The following RPH3A variants were observed in gnomAD, a reference collection of about 807,000 sequenced individuals.
The protein encoded by RPH3A is rabphilin-3A.
Under a neutral mutation model 102.2 loss-of-function variants are expected in RPH3A, and 48 were observed. That is an observed-to-expected ratio of 0.47 (90% CI 0.37 to 0.60). The LOEUF is 0.60. Among genes scored for constraint, RPH3A ranks in the 20% least tolerant of loss-of-function variants. The pLI, the probability that RPH3A is intolerant of heterozygous loss-of-function variation, is 0.00. For missense variants in RPH3A, 781 were observed against 910.1 expected (o/e 0.86, Z 1.83); for synonymous variants, 310 against 324.3 (o/e 0.96, Z 0.47).
intron 1 of RPH3A, among the ~76,000 whole-genome samples, chr12:112,749,148 C>A (rs1470635405): frequency 2.6e-5 from 4 of 152,166 alleles, no homozygotes; most frequent in African/African-American, 9.7e-5. Flanking sequence ...TTTCTAGAGT[C>A]AGGAGAGAGA....
chr12:112,739,733 A>G lies in RPH3A; in HGVS notation c.-139-52410A>G, dbSNP rs190620011. The stretch of plus-strand genomic sequence containing the variant: ...CAGGGGCCACATCCCTACAGCCCAC[A>G]TCTTCCACACTTCTTTGTCACTTGG... On this transcript the variant is annotated intron_variant, in intron 1 of 21. Transcript: ENST00000543106. Among the ~76,000 whole-genome samples the G allele has an allele frequency of 3.9e-5, 6 of 152,292 alleles. No individual in the cohort carries two copies. In the East Asian group the frequency reaches 9.6e-4, roughly 24 times the overall value.
At chr12:112,794,099 C>G (rs1265398951) in intron 2 of RPH3A, among the ~76,000 whole-genome samples, 1 of 152,210 alleles carries the variant, frequency 6.6e-6, no homozygotes, top group Non-Finnish European at 1.5e-5. Context: ...CGCCCTCCCT[C>G]CTCCCCCATC....
At chr12:112,819,608 C>A (rs10774663) in intron 2 of RPH3A, among the ~76,000 whole-genome samples, 16,620 of 152,208 alleles carry the variant, frequency 0.11, 1,016 homozygotes, top group East Asian at 0.24. Context: ...GAACAACAAC[C>A]ATTTATTTAC....
Position 112,890,016 on chromosome 12 carries a change from CTTT to C in RPH3A, c.1564-6_1564-4del. 1.2e-6 allele frequency: 2 copies of C among 1,613,240 alleles called. No homozygotes were observed. Among genetic ancestry groups the C allele is most frequent in the Non-Finnish European group, 1.7e-6 (2 of 1,179,744 alleles). Reference sequence around the variant, plus strand: ...AATGTTATCTTTTATTTGTTTTCTTCTTTTAAGATGAAACGTGCTGGGACCACC... The same window carrying C: ...AATGTTATCTTTTATTTGTTTTCTTCTAAGATGAAACGTGCTGGGACCACC... On this transcript the variant is annotated splice_region_variant and splice_polypyrimidine_tract_variant and intron_variant, in intron 17 of 21. Coordinates refer to ENST00000389385, the MANE Select transcript of RPH3A (RefSeq NM_001143854.2).
intron 1 of RPH3A, among the ~76,000 whole-genome samples, chr12:112,632,112 A>C (rs1168491488): frequency 6.6e-6 from 1 of 152,156 alleles, no homozygotes; most frequent in Non-Finnish European, 1.5e-5. Flanking sequence ...GTTTTTAAAA[A>C]GAGGAGTTCC....
At chr12:112,708,175 A>T (rs551532635) in intron 1 of RPH3A, among the ~76,000 whole-genome samples, 1 of 152,350 alleles carries the variant, frequency 6.6e-6, no homozygotes, top group Admixed American at 6.5e-5. Flanking sequence ...TTTATGTCAC[A>T]GCCTATGTGG....
At chr12:112,667,695 AG>A (rs2040096540) in intron 1 of RPH3A, among the ~76,000 whole-genome samples, 1 of 150,732 alleles carries the variant, frequency 6.6e-6, no homozygotes, top group Non-Finnish European at 1.5e-5. Context: ...AGAGAGAGAG[AG>A]AGAGAGAGAG....
intron 1 of RPH3A, among the ~76,000 whole-genome samples, chr12:112,622,601 T>C (rs1409784055): frequency 6.6e-6 from 1 of 150,600 alleles, no homozygotes; most frequent in African/African-American, 2.4e-5. Flanking sequence ...CTGAAAGTGA[T>C]GTGGAGAATG....
At chr12:112,881,476 T>C (rs1238188299) in intron 14 of RPH3A, among the ~76,000 whole-genome samples, 1 of 152,222 alleles carries the variant, frequency 6.6e-6, no homozygotes, top group African/African-American at 2.4e-5. Context: ...CACCACCTCA[T>C]GAAGCGGGTA....
chr12:112,660,422 C>T (rs1378633807), intron 1 of RPH3A, among the ~76,000 whole-genome samples: 2 of 152,146 alleles, frequency 1.3e-5, no homozygotes, highest in African/African-American at 2.4e-5. Context: ...CCCCCTGCCC[C>T]ATACCAATTC....
intron 1 of RPH3A, among the ~76,000 whole-genome samples, chr12:112,753,299 C>A (rs944891001): frequency 3.3e-5 from 5 of 152,190 alleles, no homozygotes; most frequent in African/African-American, 9.7e-5. Flanking sequence ...CACGTCAAAT[C>A]CTATCCATTC....
Position 112,897,144 on chromosome 12 carries a change from GTACACACA to G in RPH3A, c.*365_*372del. On this transcript the variant is annotated 3_prime_UTR_variant, in exon 22 of 22. Coordinates refer to ENST00000389385, the MANE Select transcript of RPH3A (RefSeq NM_001143854.2). Reference sequence around the variant, plus strand: ...CCCTCCTAGCCTTGAACACACACATGTACACACACACACACACACACACACACACACCC... The same window carrying G: ...CCCTCCTAGCCTTGAACACACACATGCACACACACACACACACACACACCC... 4.9e-6 allele frequency: 1 copy of G among 205,906 alleles called. No homozygotes were observed. Among genetic ancestry groups the G allele is most frequent in the Non-Finnish European group, 9.5e-6 (1 of 105,638 alleles). 12.8% of individuals were successfully genotyped at this position (205,906 alleles called of 1,614,324 possible). A position where few individuals can be genotyped will look rare whatever the true frequency, so the allele number is the denominator to read the frequency against.
intron 1 of RPH3A, among the ~76,000 whole-genome samples, chr12:112,694,640 G>C (rs921796519): frequency 7.4e-6 from 1 of 134,446 alleles, no homozygotes; most frequent in Non-Finnish European, 1.5e-5. Flanking sequence ...GCACGCGCGC[G>C]CGCGCACACG....
chr12:112,647,348 T>C (rs182072670), intron 1 of RPH3A, among the ~76,000 whole-genome samples: 1 of 152,300 alleles, frequency 6.6e-6, no homozygotes, highest in East Asian at 1.9e-4. Context: ...TTTCATAATC[T>C]GTACAATGGA....
At chr12:112,888,448 T>C (rs958232453) in intron 17 of RPH3A, among the ~76,000 whole-genome samples, 1 of 152,234 alleles carries the variant, frequency 6.6e-6, no homozygotes, top group African/African-American at 2.4e-5. Context: ...GAAAGCACCA[T>C]GTAGATAAAC....
intron 15 of RPH3A, among the ~76,000 whole-genome samples, chr12:112,882,569 C>A (rs2042933166): frequency 6.6e-6 from 1 of 152,220 alleles, no homozygotes; most frequent in Non-Finnish European, 1.5e-5. Flanking sequence ...CCTGTACACA[C>A]CGCCCTCCAC....
intron 2 of RPH3A, among the ~76,000 whole-genome samples, chr12:112,794,604 C>T (rs1443849485): frequency 7.2e-5 from 11 of 152,164 alleles, no homozygotes; most frequent in Admixed American, 6.5e-4. Flanking sequence ...AGAGGCTCTG[C>T]TCTGAAAAGA....
At chr12:112,604,944 C>T (rs930547520) in intron 1 of RPH3A, among the ~76,000 whole-genome samples, 2 of 152,196 alleles carry the variant, frequency 1.3e-5, no homozygotes, top group Non-Finnish European at 2.9e-5. Flanking sequence ...CTTCCGTGAC[C>T]TAGCGTCTGA....
intron 1 of RPH3A, among the ~76,000 whole-genome samples, chr12:112,638,044 G>A (rs1286361375): frequency 2.0e-5 from 3 of 151,988 alleles, no homozygotes; most frequent in Admixed American, 6.6e-5. Context: ...TTTGGGTCAC[G>A]GGTCTGGACC....
Sources: allele counts gnomAD v4.1 joint callset (sites outside exome capture counted in the v4.1 genomes callset), GRCh38; gene constraint gnomAD v4.1.1; transcripts MANE v1.5; gene names NCBI Gene and HGNC (gene_info 2026-07-23, HGNC 2026-07-21).